The following PCDHGB2 variants were observed in gnomAD, a reference collection of about 807,000 sequenced individuals.
PCDHGB2 encodes protocadherin gamma subfamily B, 2, also known as protocadherin gamma-B2.
In PCDHGB2, 55 loss-of-function variants were observed where a neutral mutation model predicts 59.3. That is an observed-to-expected ratio of 0.93 (90% confidence interval 0.75 to 1.16). The LOEUF (loss-of-function observed/expected upper bound fraction) is 1.16, where lower values mean the gene tolerates loss of function less well. Among genes scored for constraint, PCDHGB2 ranks in the 50% most tolerant of loss-of-function variants. The pLI is 0.00. For synonymous variants in PCDHGB2, 516 were observed against 512.0 expected, an observed-to-expected ratio of 1.01 and a Z score of -0.11; for missense variants, 1,228 against 1,198.5, an observed-to-expected ratio of 1.02 and a Z score of -0.36.
rs747811019 is a variant in PCDHGB2 at position 141,490,069 on chromosome 5, C to T, written c.2422-4738C>T. 6 of 1,614,150 alleles carry T rather than the reference C, an allele frequency of 3.7e-6. No homozygotes were observed. Among genetic ancestry groups the T allele is most frequent in the Non-Finnish European group, 5.1e-6 (6 of 1,180,044 alleles). ...TCCAGACGAGGGCACCAACGGCCAA[C>T]TAGACTATTCTTTTGGAGACCACAC... On this transcript the variant is annotated intron_variant, in intron 1 of 3. Transcript: ENST00000522605. This position sits in a 1 kb window ranked among gnomAD's most constrained non-coding sequence, Gnocchi z 5.4.
chr5:141,505,243 G>A (rs2099844728), intron 2 of PCDHGB2, 150 bp from the exon 3 acceptor site: 1 of 1,424,622 alleles, frequency 7.0e-7, no homozygotes, highest in Non-Finnish European at 9.4e-7. Flanking sequence ...CTGAAGGATT[G>A]TAGAAGTGCC....
intron 1 of PCDHGB2, chr5:141,419,164 C>G: frequency 6.2e-7 from 1 of 1,613,966 alleles, no homozygotes; most frequent in Non-Finnish European, 8.5e-7. Context: ...TATCCTCCAG[C>G]AAAACCATAA....
chr5:141,436,035 A>G (rs957896521), intron 1 of PCDHGB2, among the ~76,000 whole-genome samples: 3 of 152,178 alleles, frequency 2.0e-5, no homozygotes, highest in Non-Finnish European at 4.4e-5. Flanking sequence ...CTAAATTTGT[A>G]TTTACATTAG....
intron 1 of PCDHGB2, chr5:141,389,305 C>T: frequency 6.2e-7 from 1 of 1,614,004 alleles, no homozygotes; most frequent in Non-Finnish European, 8.5e-7. Flanking sequence ...CAAGTCAGGG[C>T]TTCTGATCCG....
chr5:141,409,259 T>C lies in PCDHGB2; in HGVS notation c.2421+46703T>C, dbSNP rs370130162. ...CCCAGAAATAATCATCACTTCTCTC[T>C]CTGATCAGATTTTGGAGAATTCACC... is the stretch of plus-strand genomic sequence containing the variant. On this transcript the variant is annotated intron_variant, in intron 1 of 3. Coordinates refer to ENST00000522605, the MANE Select transcript of PCDHGB2 (RefSeq NM_018923.3). The C allele has an allele frequency of 1.9e-6, 3 of 1,614,012 alleles. No individual in the cohort carries two copies. Among genetic ancestry groups the C allele is most frequent in the South Asian group, 2.2e-5 (2 of 91,082 alleles).
At chr5:141,427,803 G>A (rs781324396) in intron 1 of PCDHGB2, 2 of 1,511,804 alleles carry the variant, frequency 1.3e-6, no homozygotes, top group Admixed American at 1.7e-5. Context: ...GTCCGTGAGC[G>A]CACAGAGCGG....
At chr5:141,504,452 T>C (rs1208972630) in intron 2 of PCDHGB2, among the ~76,000 whole-genome samples, 1 of 152,060 alleles carries the variant, frequency 6.6e-6, no homozygotes, top group Non-Finnish European at 1.5e-5. Flanking sequence ...TAGTGCCATG[T>C]GGGGCAGCCG....
In PCDHGB2 at chr5:141,491,921, A is replaced by T; in HGVS notation, c.2422-2886A>T. ...CCGGGGGTGGTGGCGACTGTGGGCG[A>T]GGGGAGGTGGGACCGACCCCCACCC... On this transcript the variant is annotated intron_variant, in intron 1 of 3. Coordinates refer to ENST00000522605, the MANE Select transcript of PCDHGB2 (RefSeq NM_018923.3). The surrounding 1 kb of genome is among the most constrained non-coding windows in gnomAD (Gnocchi z 6.9). The T allele has an allele frequency of 1.5e-6, 2 of 1,353,738 alleles. No homozygotes were observed. Among genetic ancestry groups the T allele is most frequent in the Non-Finnish European group, 2.0e-6 (2 of 1,013,388 alleles). 83.9% of individuals were successfully genotyped at this position (1,353,738 alleles called of 1,614,324 possible). A position where few individuals can be genotyped will look rare whatever the true frequency, so the allele number is the denominator to read the frequency against.
intron 1 of PCDHGB2, among the ~76,000 whole-genome samples, chr5:141,369,682 A>G (rs979966381): frequency 2.0e-5 from 3 of 152,250 alleles, no homozygotes; most frequent in African/African-American, 7.2e-5. Flanking sequence ...AGTGAAACAT[A>G]GAATAAAACT....
chr5:141,394,987 T>G (rs2093144127), intron 1 of PCDHGB2: 1 of 1,613,874 alleles, frequency 6.2e-7, no homozygotes, highest in South Asian at 1.1e-5. Context: ...TCACGCCTGC[T>G]CCAGGATTCC....
intron 1 of PCDHGB2, among the ~76,000 whole-genome samples, chr5:141,442,917 G>A (rs1041756930): frequency 6.6e-6 from 1 of 152,178 alleles, no homozygotes; most frequent in Non-Finnish European, 1.5e-5. Context: ...GCACACAACT[G>A]TTTCATTTTC....
rs554661873 is a variant in PCDHGB2, at chr5:141,487,723, T to C, written c.2422-7084T>C. ...GCCTCTCAGTAAGTGCCCATAGTGATGTCACCATTTTTGTAAGAGGTAACT... is the reference window on the plus strand; with the variant it reads ...GCCTCTCAGTAAGTGCCCATAGTGACGTCACCATTTTTGTAAGAGGTAACT... On this transcript the variant is annotated intron_variant, in intron 1 of 3. Transcript: ENST00000522605. The surrounding 1 kb of genome is among the most constrained non-coding windows in gnomAD (Gnocchi z 5.0). The C allele has an allele frequency of 2.6e-5, 41 of 1,574,932 alleles. No homozygotes were observed. Among genetic ancestry groups the C allele is most frequent in the Non-Finnish European group, 5.2e-6 (6 of 1,158,382 alleles).
rs962326553 is a variant in PCDHGB2 at position 141,387,971 on chromosome 5, C to T, written c.2421+25415C>T. 1.0e-5 allele frequency: 15 copies of T among 1,489,894 alleles called. 1 individual carries two copies. Among genetic ancestry groups the T allele is most frequent in the Non-Finnish European group, 1.3e-5 (14 of 1,108,812 alleles). The allele number at this position is 1,489,894 out of a possible 1,614,324, so 92.3% of individuals were successfully genotyped here. ...TGCTGTCTTTGTTCTGCCCGGCGCT[C>T]TGTGAGCAGATCCGCTACAGGATTC... On this transcript the variant is annotated intron_variant, in intron 1 of 3. Transcript: ENST00000522605.
In PCDHGB2 at chr5:141,485,865, C is replaced by T. The variant is rs1214425261; in HGVS notation, c.2422-8942C>T. The stretch of plus-strand genomic sequence containing the variant: ...TCTGGCACCGCAGAGCTCCGGGTAT[C>T]CGTGCTGGACGTAAACGACAACGCC... On this transcript the variant is annotated intron_variant, in intron 1 of 3. Transcript: ENST00000522605. The surrounding 1 kb of genome is among the most constrained non-coding windows in gnomAD (Gnocchi z 5.7). 23 of 1,614,182 alleles carry T rather than the reference C, an allele frequency of 1.4e-5. No homozygotes were observed. Among genetic ancestry groups the T allele is most frequent in the Non-Finnish European group, 1.8e-5 (21 of 1,180,034 alleles).
At chr5:141,374,935 T>C in intron 1 of PCDHGB2, 1 of 1,614,020 alleles carries the variant, frequency 6.2e-7, no homozygotes, top group East Asian at 2.2e-5. Context: ...TTGTGAAGAT[T>C]ACAGAAAAGA....
rs770630741 is a variant in PCDHGB2, at chr5:141,381,826, C to CTTTTTT, written c.2421+19287_2421+19292dup. Among the ~76,000 whole-genome samples, 197 of 74,234 alleles carry CTTTTTT rather than the reference C, an allele frequency of 2.7e-3. 2 individuals carry two copies. Among genetic ancestry groups the CTTTTTT allele is most frequent in the African/African-American group, 3.6e-3 (59 of 16,186 alleles). The allele number at this position is 74,234 out of a possible 152,430, so 48.7% of individuals were successfully genotyped here. A position where few individuals can be genotyped will look rare whatever the true frequency, so the allele number is the denominator to read the frequency against. On this transcript the variant is annotated intron_variant, in intron 1 of 3. Coordinates refer to ENST00000522605, the MANE Select transcript of PCDHGB2 (RefSeq NM_018923.3). ...TTTCTTTCTTTCTTTCTTTCTTCTT[C>CTTTTTT]TTTTTTTTTTTTTTTTTTTTTTGGC...
intron 1 of PCDHGB2, chr5:141,427,894 C>T (rs974220302): frequency 1.3e-6 from 2 of 1,568,222 alleles, no homozygotes; most frequent in East Asian, 2.2e-5. Flanking sequence ...GACCAGGGCT[C>T]GCCCGCGCTC....
rs1340974686 is a variant in PCDHGB2, at chr5:141,477,604, C to T, written c.2422-17203C>T. The T allele has an allele frequency of 6.2e-7, 1 of 1,614,084 alleles. No individual in the cohort carries two copies. Among genetic ancestry groups the T allele is most frequent in the Non-Finnish European group, 8.5e-7 (1 of 1,180,054 alleles). ...AGAATGCTCGGCTTTCTTTCTTTCT[C>T]TTGGAGCAAGGAGCTGAAACCGGGC... On this transcript the variant is annotated intron_variant, in intron 1 of 3. Coordinates refer to ENST00000522605, the MANE Select transcript of PCDHGB2 (RefSeq NM_018923.3). The surrounding 1 kb of genome is among the most constrained non-coding windows in gnomAD (Gnocchi z 4.9).
intron 1 of PCDHGB2, chr5:141,424,728 G>A (rs907091181): frequency 1.3e-5 from 2 of 152,102 alleles, no homozygotes; most frequent in African/African-American, 2.4e-5. Flanking sequence ...GGGAGTCATA[G>A]ATTCCTTCTT....
Sources: allele counts gnomAD v4.1 joint callset (sites outside exome capture counted in the v4.1 genomes callset), GRCh38; gene constraint gnomAD v4.1.1; non-coding constraint Gnocchi (gnomAD v3.1); transcripts MANE v1.5; gene names NCBI Gene and HGNC (gene_info 2026-07-23, HGNC 2026-07-21).